The following PREX1 variants were observed in gnomAD, a reference collection of about 807,000 sequenced individuals.
The protein encoded by PREX1 is phosphatidylinositol-3,4,5-trisphosphate dependent Rac exchange factor 1, also known as phosphatidylinositol 3,4,5-trisphosphate-dependent Rac exchanger 1 protein.
A neutral mutation model predicts 198.3 loss-of-function variants in PREX1; 41 were observed. That is an observed-to-expected ratio of 0.21 (90% CI 0.16 to 0.27). The LOEUF (loss-of-function observed/expected upper bound fraction) is 0.27. Ranked by LOEUF, PREX1 falls within the 10% of genes least tolerant of loss-of-function variation. The pLI, the probability that PREX1 is intolerant of heterozygous loss-of-function variation, is 1.00. For missense variants in PREX1, 1,620 were observed against 2,200.7 expected, an observed-to-expected ratio of 0.74 and a Z score of 5.28; for synonymous variants, 843 against 887.2, an observed-to-expected ratio of 0.95 and a Z score of 0.89.
intron 1 of PREX1, among the ~76,000 whole-genome samples, chr20:48,759,818 G>A (rs1393169231): frequency 6.6e-6 from 1 of 151,988 alleles, no homozygotes; most frequent in African/African-American, 2.4e-5. Flanking sequence ...GCTATTATTG[G>A]CCAGGCTCAC....
At chr20:48,796,608 A>G (rs1799565531) in intron 1 of PREX1, among the ~76,000 whole-genome samples, 1 of 151,344 alleles carries the variant, frequency 6.6e-6, no homozygotes, top group South Asian at 2.1e-4. Flanking sequence ...ACATTTATAT[A>G]TTTATATATT....
At chr20:48,628,075 C>T (rs2089287388) in intron 37 of PREX1, 112 bp from the exon 38 acceptor site, 5 of 780,502 alleles carry the variant, frequency 6.4e-6, no homozygotes, top group East Asian at 2.7e-5. Context: ...CCTGTCCCTC[C>T]GAGGCCTCCC....
intron 26 of PREX1, 59 bp from the exon 27 acceptor site, chr20:48,644,556 G>T: frequency 6.6e-7 from 1 of 1,506,190 alleles, no homozygotes; most frequent in Non-Finnish European, 9.1e-7. Context: ...TCTGGTCCTG[G>T]CACCCAAAAC....
rs750260489 is a variant in PREX1, at chr20:48,651,373, G to GGCCAGGCAGT, written c.2655+13_2655+22dup. Reference sequence around the variant, plus strand: ...GCTTCAATCCCCCAGGGTAGGGCAGGGCCAGGCAGTGCCCAAGGAGACCTT... The same window carrying GGCCAGGCAGT: ...GCTTCAATCCCCCAGGGTAGGGCAGGGCCAGGCAGTGCCAGGCAGTGCCCAAGGAGACCTT... On this transcript the variant is annotated intron_variant, in intron 22 of 39. Transcript: ENST00000371941. The GGCCAGGCAGT allele has an allele frequency of 3.8e-6, 6 of 1,581,386 alleles. No homozygotes were observed. The African/African-American group carries it at 8.1e-5, about 21-fold the overall frequency.
chr20:48,680,819 G>C (rs1385095077), intron 11 of PREX1, among the ~76,000 whole-genome samples: 4 of 152,016 alleles, frequency 2.6e-5, no homozygotes, highest in African/African-American at 9.7e-5. Flanking sequence ...ATCTTGCTTT[G>C]TAAAGATAAG....
the PREX1 span, among the ~76,000 whole-genome samples, chr20:48,870,441 C>G: frequency 6.6e-6 from 1 of 152,166 alleles, no homozygotes; most frequent in African/African-American, 2.4e-5. Context: ...GCACCTGATC[C>G]GCTTCCCAGC....
Position 48,654,245 on chromosome 20 carries a change from G to A in PREX1, c.2210-748C>T, listed in dbSNP as rs544190870. On this transcript the variant is annotated intron_variant, in intron 19 of 39. Transcript: ENST00000371941. ...GCGGGGAGATCCGACGAGCTAACAC[G>A]TGTGCAGCATTTAGCATCGTGCCTG... 1.7e-3 allele frequency among the ~76,000 whole-genome samples: 260 copies of A among 152,354 alleles called. 7 individuals are homozygous for A. The highest frequency in any genetic ancestry group is 0.017 in the Admixed American group (253 of 15,302).
chr20:48,760,247 T>A (rs2090173255), intron 1 of PREX1, among the ~76,000 whole-genome samples: 1 of 152,100 alleles, frequency 6.6e-6, no homozygotes, highest in African/African-American at 2.4e-5. Context: ...ATCAACCACA[T>A]CTGTAGGGCT....
At chr20:48,862,625 T>C in the PREX1 span, among the ~76,000 whole-genome samples, 2 of 151,600 alleles carry the variant, frequency 1.3e-5, no homozygotes, top group Non-Finnish European at 2.9e-5. Flanking sequence ...ATCATTCTGG[T>C]CTAAACAGTT....
chr20:48,673,500 A>G (rs891637630), intron 14 of PREX1, among the ~76,000 whole-genome samples: 9 of 152,132 alleles, frequency 5.9e-5, no homozygotes, highest in Non-Finnish European at 1.2e-4. Flanking sequence ...TGAGCACTGA[A>G]GGAGCTTGGG....
At chr20:48,775,126 T>C (rs2090255106) in intron 1 of PREX1, among the ~76,000 whole-genome samples, 1 of 152,154 alleles carries the variant, frequency 6.6e-6, no homozygotes, top group African/African-American at 2.4e-5. Context: ...TCATTGGTTC[T>C]CTCGGCAAAT....
chr20:48,659,346 G>C (rs1231573592), intron 16 of PREX1, among the ~76,000 whole-genome samples: 1 of 148,868 alleles, frequency 6.7e-6, no homozygotes, highest in Non-Finnish European at 1.5e-5. Flanking sequence ...GAGGAAGGGA[G>C]GGAAAGAGGA....
chr20:48,747,908 G>T, intron 1 of PREX1, 28 bp from the exon 2 acceptor site: 1 of 1,592,168 alleles, frequency 6.3e-7, no homozygotes. Flanking sequence ...AGAGAGGTGA[G>T]TGTCCGCGTC....
At chr20:48,745,919 C>T (rs1257353761) in intron 2 of PREX1, among the ~76,000 whole-genome samples, 1 of 152,222 alleles carries the variant, frequency 6.6e-6, no homozygotes, top group African/African-American at 2.4e-5. Flanking sequence ...GCTGTTAACC[C>T]TTCCTGCAAT....
intron 13 of PREX1, among the ~76,000 whole-genome samples, chr20:48,677,497 C>G (rs562242729): frequency 6.6e-6 from 1 of 152,308 alleles, no homozygotes; most frequent in South Asian, 2.1e-4. Flanking sequence ...TTATACAATG[C>G]CAGGAGCCAT....
intron 38 of PREX1, 70 bp from the exon 39 acceptor site, chr20:48,627,685 G>T: frequency 6.6e-7 from 1 of 1,510,746 alleles, no homozygotes; most frequent in South Asian, 1.1e-5. Flanking sequence ...ACTGGGGGGT[G>T]GGGGTGGGGC....
At chr20:48,689,895 G>A (rs1464167703) in intron 9 of PREX1, among the ~76,000 whole-genome samples, 1 of 152,256 alleles carries the variant, frequency 6.6e-6, no homozygotes, top group Non-Finnish European at 1.5e-5. Flanking sequence ...TGTCTTGGGT[G>A]GAAGTAGGGA....
chr20:48,700,601 G>A (rs2089868735), intron 7 of PREX1, 152 bp downstream of exon 7: 2 of 910,378 alleles, frequency 2.2e-6, no homozygotes, highest in South Asian at 4.1e-5. Flanking sequence ...CATAACACGT[G>A]GCTTGCATTG....
chr20:48,813,077 T>C (rs968041126), intron 1 of PREX1, among the ~76,000 whole-genome samples: 7 of 152,244 alleles, frequency 4.6e-5, no homozygotes, highest in African/African-American at 1.7e-4. Context: ...AGCACTCACC[T>C]ACTCTACTCC....
Sources: gnomAD v4.1 joint callset for allele counts (sites outside exome capture counted in the v4.1 genomes callset) on GRCh38, gnomAD v4.1.1 for gene constraint, MANE v1.5 for transcripts, NCBI Gene and HGNC (gene_info 2026-07-23, HGNC 2026-07-21) for gene names.